The following NOP14 variants were observed in gnomAD, a reference collection of about 807,000 sequenced individuals.
NOP14 encodes nucleolar protein 14.
NOP14 carries 57 observed loss-of-function variants against 101.6 expected under a neutral mutation model. The ratio of observed to expected loss-of-function variants is 0.56; its 90% CI spans 0.45 to 0.70. The LOEUF is 0.70. Among genes scored for constraint, NOP14 ranks in the 30% least tolerant of loss-of-function variants. The pLI, the probability that NOP14 is intolerant of heterozygous loss-of-function variation, is 0.00. For missense variants in NOP14, 1,134 were observed against 1,075.5 expected (o/e 1.05, Z -0.76); for synonymous variants, 428 against 424.0 (o/e 1.01, Z -0.12).
At position 2,950,039 on chromosome 4, in the gene NOP14, C is replaced by T. The variant is rs748364644; in HGVS notation, c.1177G>A (p.Glu393Lys). 5 of 1,614,204 alleles carry T rather than the reference C, an allele frequency of 3.1e-6. No homozygotes were observed. Among genetic ancestry groups the T allele is most frequent in the East Asian group, 2.2e-5 (1 of 44,882 alleles). The change falls in exon 8 of 18, where the codon GAG becomes AAG. Residue 393 changes from glutamate (E) to lysine (K), a missense_variant. Transcript: ENST00000416614. ...ESNVESEEEN[E>K]KPAKEQRQTP... ...TGCCTCTGCTCTTTTGCTGGCTTCTCGTTTTCTTCCTCACTCTCCACGTTG... is the reference window on the plus strand; with the variant it reads ...TGCCTCTGCTCTTTTGCTGGCTTCTTGTTTTCTTCCTCACTCTCCACGTTG...
At chr4:2,945,962 C>G (rs2109299600) in intron 11 of NOP14, among the ~76,000 whole-genome samples, 1 of 140,344 alleles carries the variant, frequency 7.1e-6, no homozygotes, top group African/African-American at 2.7e-5. Context: ...CTCCAGATCA[C>G]CCTCACTGCC....
chr4:2,945,357 T>G (rs1714545862), intron 11 of NOP14, 128 bp from the exon 12 acceptor site: 1 of 702,984 alleles, frequency 1.4e-6, no homozygotes, highest in Non-Finnish European at 2.4e-6. Flanking sequence ...GGCCCAGAGC[T>G]CTGGCCTCAG....
chr4:2,960,826 C>T (rs192374806), intron 1 of NOP14, among the ~76,000 whole-genome samples: 1,155 of 55,312 alleles, frequency 0.021, 90 homozygotes, highest in African/African-American at 0.077. Flanking sequence ...ATCACATTAT[C>T]AATATATTAA....
chr4:2,944,569 G>A (rs1714468757), intron 12 of NOP14, among the ~76,000 whole-genome samples: 1 of 152,170 alleles, frequency 6.6e-6, no homozygotes, highest in Non-Finnish European at 1.5e-5. Flanking sequence ...ACCACACCCA[G>A]CTAATTTTTG....
At position 2,963,392 on chromosome 4, in the gene NOP14, C is replaced by G. The variant is rs1716337724; in HGVS notation, c.-73G>C. ...GGCGCGCGCTACCCTAAGACACGTG[C>G]CGGGCCGCGGAACCGCTTCCTCGTC... On this transcript the variant is annotated 5_prime_UTR_variant, in exon 1 of 18. Coordinates refer to ENST00000416614, the MANE Select transcript of NOP14 (RefSeq NM_001291978.2). 7.1e-7 allele frequency: 1 copy of G among 1,407,772 alleles called. No homozygotes were observed. The highest frequency in any genetic ancestry group is 2.9e-5 in the East Asian group (1 of 34,036). 87.2% of individuals were successfully genotyped at this position (1,407,772 alleles called of 1,614,324 possible).
chr4:2,954,818 C>G (rs547582402), intron 3 of NOP14, among the ~76,000 whole-genome samples: 1 of 152,126 alleles, frequency 6.6e-6, no homozygotes. Context: ...GCTGGAAACA[C>G]CCAGCACCTA....
At chr4:2,942,384 C>T (rs1234943474) in intron 13 of NOP14, 33 bp from the exon 14 acceptor site, 2 of 1,597,330 alleles carry the variant, frequency 1.3e-6, no homozygotes, top group East Asian at 4.5e-5. Context: ...CAGAGATGGC[C>T]TGAACATTAC....
intron 15 of NOP14, chr4:2,941,236 G>A (rs1421652130): frequency 4.0e-6 from 1 of 248,822 alleles, no homozygotes; most frequent in Non-Finnish European, 7.9e-6. Context: ...ACCATCCTTG[G>A]AAAACCCATC....
At chr4:2,957,482 G>A (rs1715427214) in intron 2 of NOP14, 124 bp downstream of exon 2, 11 of 1,141,766 alleles carry the variant, frequency 9.6e-6, no homozygotes, top group Middle Eastern at 2.4e-4. Flanking sequence ...CAGGATTCGA[G>A]GGCTATCCCC....
At chr4:2,959,965 T>G (rs1295982374) in intron 1 of NOP14, among the ~76,000 whole-genome samples, 1 of 151,220 alleles carries the variant, frequency 6.6e-6, no homozygotes, top group African/African-American at 2.4e-5. Flanking sequence ...CATGCTACAC[T>G]GAGACCTTTT....
chr4:2,954,132 GT>G (rs1186600296), intron 4 of NOP14, among the ~76,000 whole-genome samples: 1 of 152,152 alleles, frequency 6.6e-6, no homozygotes, highest in Non-Finnish European at 1.5e-5. Flanking sequence ...GAGCCCAGGA[GT>G]TTGAGGCCAC....
intron 12 of NOP14, among the ~76,000 whole-genome samples, chr4:2,944,506 A>C (rs991899174): frequency 6.6e-6 from 1 of 152,184 alleles, no homozygotes; most frequent in Non-Finnish European, 1.5e-5. Context: ...TCCCGGGTTC[A>C]AGTGATTTTC....
At chr4:2,946,802 A>G (rs1714676767) in intron 10 of NOP14, 1 of 490,098 alleles carries the variant, frequency 2.0e-6, no homozygotes, top group African/African-American at 1.9e-5. Flanking sequence ...TGGGGGCACC[A>G]CTCTGTGTGG....
chr4:2,951,327 C>T (rs1437258209), intron 6 of NOP14, 82 bp from the exon 7 acceptor site: 66 of 1,306,288 alleles, frequency 5.1e-5, no homozygotes, highest in South Asian at 4.3e-4. Context: ...CCCTGGGCAG[C>T]GGGCTGGGCC....
In NOP14 at chr4:2,939,345, T is replaced by A. The variant is rs1379756273; in HGVS notation, c.2319-2A>T. 1.2e-6 allele frequency: 2 copies of A among 1,614,080 alleles called. No homozygotes were observed. Reference sequence around the variant, plus strand: ...CCTTGTTTTCTTCCAAACTCGAGGCTACAACCAGAAAGCCACTGTTAAGGA... The same window carrying A: ...CCTTGTTTTCTTCCAAACTCGAGGCAACAACCAGAAAGCCACTGTTAAGGA... On this transcript the variant is annotated splice_acceptor_variant, in intron 16 of 17. Transcript: ENST00000416614. LOFTEE classifies it high-confidence loss of function.
Position 2,942,237 on chromosome 4 carries a change from G to T in NOP14, c.2006C>A (p.Ala669Glu). The T allele has an allele frequency of 6.2e-7, 1 of 1,614,172 alleles. No homozygotes were observed. Among genetic ancestry groups the T allele is most frequent in the Non-Finnish European group, 8.5e-7 (1 of 1,180,038 alleles). ...CGAAGTTGGGGCCCTCAGTCTACTCGCCCAGCGGAGGGAGAGGCTGCTCTG... is the reference window on the plus strand; with the variant it reads ...CGAAGTTGGGGCCCTCAGTCTACTCTCCCAGCGGAGGGAGAGGCTGCTCTG... The part of the protein sequence containing the change: ...WQQSSLSLRW[A>E]SRLRAPTSTE... The change falls in exon 14 of 18, where the codon GCG (alanine) becomes GAG (glutamate). Residue 669 changes from alanine to glutamate, a missense_variant. Transcript: ENST00000416614.
In NOP14 at chr4:2,953,624, C is replaced by T. The variant is rs199692833; in HGVS notation, c.634G>A (p.Glu212Lys). 5 of 1,614,088 alleles carry T rather than the reference C, an allele frequency of 3.1e-6. No homozygotes were observed. Among genetic ancestry groups the T allele is most frequent in the Non-Finnish European group, 4.2e-6 (5 of 1,180,056 alleles). ...TTCTCCGTGAGCTCGAGGGCATCTT[C>T]TCGTTGAGCTTGTCTCTCCCTCTGG... is the stretch of plus-strand genomic sequence containing the variant. The part of the protein sequence containing the change: ...QEKRERQAQR[E>K]DALELTEKLD... The change falls in exon 5 of 18, where the codon GAA becomes AAA. Residue 212 changes from glutamate to lysine, a missense_variant. Glu to Lys is a moderately conservative substitution (Grantham distance 56). Transcript: ENST00000416614.
intron 1 of NOP14, among the ~76,000 whole-genome samples, chr4:2,962,543 T>C (rs1381699990): frequency 1.3e-5 from 2 of 152,164 alleles, no homozygotes; most frequent in African/African-American, 2.4e-5. Flanking sequence ...TTTGTAGATA[T>C]TGAAATGTGA....
rs1560302196 is a variant in NOP14 at position 2,950,078 on chromosome 4, AG to A, written c.1137del (p.Leu380TrpfsTer28). 1 of 1,614,036 alleles carries A rather than the reference AG, an allele frequency of 6.2e-7. No individual in the cohort carries two copies. The highest frequency in any genetic ancestry group is 1.1e-5 in the South Asian group (1 of 91,076). ...DTEESDSPDS[H>X]LDLESNVESE... ...CTCTCCACGTTGGATTCCAGGTCCA[AG>A]TGGCTATCTGGGCTGTCGCTCTCCT... On this transcript the variant is annotated frameshift_variant, in exon 8 of 18. Transcript: ENST00000416614. LOFTEE classifies it high-confidence loss of function.
Sources: gnomAD v4.1 joint callset for allele counts (sites outside exome capture counted in the v4.1 genomes callset) on GRCh38, gnomAD v4.1.1 for gene constraint, MANE v1.5 for transcripts, NCBI Gene and HGNC (gene_info 2026-07-23, HGNC 2026-07-21) for gene names.